The following PPP4R4 variants were observed in gnomAD, a reference collection of about 807,000 sequenced individuals.
PPP4R4 encodes the protein protein phosphatase 4 regulatory subunit 4, also known as serine/threonine-protein phosphatase 4 regulatory subunit 4.
Under a neutral mutation model 121.8 loss-of-function variants are expected in PPP4R4, and 70 were observed. The ratio of observed to expected loss-of-function variants is 0.57; its 90% CI spans 0.47 to 0.70. The LOEUF (loss-of-function observed/expected upper bound fraction) is 0.70, where lower values mean the gene tolerates loss of function less well. PPP4R4 is among the 30% of genes least tolerant of loss of function. PPP4R4 has a pLI of 0.00. For missense variants in PPP4R4, 875 were observed against 1,033.6 expected (o/e 0.85, Z 2.10); for synonymous variants, 348 against 355.7 (o/e 0.98, Z 0.24).
chr14:94,208,531 A>G lies in PPP4R4; in HGVS notation c.259A>G (p.Thr87Ala). The change falls in exon 3 of 25, where the codon ACT becomes GCT. Residue 87 changes from threonine to alanine, a missense_variant. Transcript: ENST00000304338. ...CCCATTTTTGATGCGACAGAATCCC[A>G]CTGAGACGCTTCGGAGAGTGTTGCC... ...NLPFLMRQNPTETLRRVLPKV... is the reference protein window; with the variant it reads ...NLPFLMRQNPAETLRRVLPKV... 2 of 1,611,666 alleles carry G rather than the reference A, an allele frequency of 1.2e-6. No individual in the cohort carries two copies. Among genetic ancestry groups the G allele is most frequent in the Non-Finnish European group, 8.5e-7 (1 of 1,178,246 alleles).
intron 7 of PPP4R4, among the ~76,000 whole-genome samples, chr14:94,235,468 C>T (rs991311878): frequency 7.3e-6 from 1 of 137,890 alleles, no homozygotes; most frequent in Non-Finnish European, 1.5e-5. Context: ...GGCGCGATCT[C>T]GGCTCACTGC....
intron 23 of PPP4R4, among the ~76,000 whole-genome samples, chr14:94,269,983 G>T: frequency 6.6e-6 from 1 of 151,994 alleles, no homozygotes; most frequent in East Asian, 1.9e-4. Flanking sequence ...TATCAGTATT[G>T]GTTCATTAAA....
intron 4 of PPP4R4, 116 bp from the exon 5 acceptor site, chr14:94,231,126 A>G: frequency 2.6e-6 from 2 of 777,744 alleles, no homozygotes; most frequent in Non-Finnish European, 4.0e-6. Context: ...TAGAATAGTA[A>G]TGAAAATAAT....
intron 3 of PPP4R4, among the ~76,000 whole-genome samples, chr14:94,211,595 G>C (rs1210888632): frequency 1.3e-5 from 2 of 152,124 alleles, no homozygotes; most frequent in Non-Finnish European, 1.5e-5. Flanking sequence ...TGCAAATGTT[G>C]GTTTTCATTC....
At chr14:94,228,267 T>C (rs1009310228) in intron 3 of PPP4R4, among the ~76,000 whole-genome samples, 2 of 152,158 alleles carry the variant, frequency 1.3e-5, no homozygotes, top group Non-Finnish European at 2.9e-5. Context: ...TAATAAATGA[T>C]GAATGGAAGT....
intron 2 of PPP4R4, 77 bp from the exon 3 acceptor site, chr14:94,208,387 T>G: frequency 9.9e-7 from 1 of 1,013,594 alleles, no homozygotes; most frequent in Middle Eastern, 2.2e-4. Context: ...TTTTTCCAAT[T>G]AGTCCATACT....
chr14:94,209,659 G>A (rs1890640031), intron 3 of PPP4R4, among the ~76,000 whole-genome samples: 1 of 152,036 alleles, frequency 6.6e-6, no homozygotes, highest in African/African-American at 2.4e-5. Flanking sequence ...ACACAGACCA[G>A]GTTTATTTTT....
intron 2 of PPP4R4, 42 bp downstream of exon 2, chr14:94,176,169 C>G: frequency 6.7e-7 from 1 of 1,490,850 alleles, no homozygotes; most frequent in Non-Finnish European, 9.4e-7. Flanking sequence ...TCTTTTTTCC[C>G]TGTGCAGCAG....
intron 2 of PPP4R4, among the ~76,000 whole-genome samples, chr14:94,203,079 T>C (rs2139435936): frequency 6.6e-6 from 1 of 152,334 alleles, no homozygotes; most frequent in South Asian, 2.1e-4. Flanking sequence ...TATCCAGTTT[T>C]CCCCTATAGT....
At chr14:94,268,587 T>C (rs1894160533) in intron 23 of PPP4R4, among the ~76,000 whole-genome samples, 1 of 152,182 alleles carries the variant, frequency 6.6e-6, no homozygotes, top group East Asian at 1.9e-4. Flanking sequence ...AATAAAGACA[T>C]ACCCAAGACT....
At chr14:94,193,235 C>T (rs1042731979) in intron 2 of PPP4R4, among the ~76,000 whole-genome samples, 6 of 151,962 alleles carry the variant, frequency 3.9e-5, no homozygotes, top group African/African-American at 1.5e-4. Context: ...TGCTGCATAG[C>T]TTAGGAGCAG....
At chr14:94,216,307 C>T (rs975051153) in intron 3 of PPP4R4, among the ~76,000 whole-genome samples, 1 of 152,202 alleles carries the variant, frequency 6.6e-6, no homozygotes, top group Admixed American at 6.5e-5. Context: ...GAGCTGAATT[C>T]TCAAGAGTAA....
At chr14:94,240,087 T>C (rs1320907258) in intron 8 of PPP4R4, among the ~76,000 whole-genome samples, 1 of 152,172 alleles carries the variant, frequency 6.6e-6, no homozygotes, top group African/African-American at 2.4e-5. Context: ...GCATTTAGAA[T>C]TGAGACTTAA....
At chr14:94,195,066 GC>G (rs1250855398) in intron 2 of PPP4R4, among the ~76,000 whole-genome samples, 1 of 152,184 alleles carries the variant, frequency 6.6e-6, no homozygotes, top group Non-Finnish European at 1.5e-5. Context: ...GTGAACATAT[GC>G]AGTCTACTGT....
rs1258404901 is a variant in PPP4R4, at chr14:94,185,515, C to CA, written c.191+9396dup. ...GTGTGAGACCCTGTCTCAAAACAAACAAAAAAAATAAAATGAAAATAATAA... is the reference window on the plus strand; with the variant it reads ...GTGTGAGACCCTGTCTCAAAACAAACAAAAAAAAATAAAATGAAAATAATAA... On this transcript the variant is annotated intron_variant, in intron 2 of 24. Coordinates refer to ENST00000304338, the MANE Select transcript of PPP4R4 (RefSeq NM_058237.2). Among the ~76,000 whole-genome samples, 9 of 144,522 alleles carry CA rather than the reference C, an allele frequency of 6.2e-5. No homozygotes were observed. The South Asian group carries it at 2.0e-3, about 32-fold the overall frequency. The allele number at this position is 144,522 out of a possible 152,430, so 94.8% of individuals were successfully genotyped here.
At chr14:94,265,326 T>G in intron 20 of PPP4R4, 61 bp from the exon 21 acceptor site, 1 of 1,224,634 alleles carries the variant, frequency 8.2e-7, no homozygotes, top group Non-Finnish European at 1.2e-6. Flanking sequence ...GTCTTGTGTA[T>G]TTATGGAGAT....
intron 2 of PPP4R4, among the ~76,000 whole-genome samples, chr14:94,191,350 C>CTTTA (rs3064079): frequency 0.81 from 122,266 of 151,578 alleles, 49,824 homozygotes; most frequent in Admixed American, 0.85. Flanking sequence ...AATTTTGAGC[C>CTTTA]TTTATTTTTT....
Position 94,235,589 on chromosome 14 carries a change from C to T in PPP4R4, c.731+920C>T, listed in dbSNP as rs113215560. Among the ~76,000 whole-genome samples the T allele has an allele frequency of 4.3e-3, 647 of 151,532 alleles. 2 individuals carry two copies. The highest frequency in any genetic ancestry group is 0.01 in the Middle Eastern group (3 of 292). On this transcript the variant is annotated intron_variant, in intron 7 of 24. Coordinates refer to ENST00000304338, the MANE Select transcript of PPP4R4 (RefSeq NM_058237.2). ...TAATTTTTTGTATTTTTAGTAGAGA[C>T]GGGGTTTCACCGTGTTAGCCAGGAT...
intron 13 of PPP4R4, among the ~76,000 whole-genome samples, chr14:94,245,890 C>T (rs113245011): frequency 4.6e-5 from 7 of 152,024 alleles, no homozygotes; most frequent in African/African-American, 1.7e-4. Flanking sequence ...TGTCTATTGT[C>T]TTTGGAGTTT....
Sources: allele counts gnomAD v4.1 joint callset (sites outside exome capture counted in the v4.1 genomes callset), GRCh38; gene constraint gnomAD v4.1.1; transcripts MANE v1.5; gene names NCBI Gene and HGNC (gene_info 2026-07-23, HGNC 2026-07-21).